Variants in ACOT12 observed in about 807,000 individuals in gnomAD.
ACOT12 encodes acyl-CoA thioesterase 12, also known as acetyl-coenzyme A thioesterase.
A neutral mutation model predicts 67.7 loss-of-function variants in ACOT12; 51 were observed. The ratio of observed to expected loss-of-function variants is 0.75; its 90% CI spans 0.60 to 0.95. The LOEUF is 0.95. Among genes scored for constraint, ACOT12 ranks in the 40% least tolerant of loss-of-function variants. The pLI, the probability that ACOT12 is intolerant of heterozygous loss-of-function variation, is 0.00. For missense variants in ACOT12, 734 were observed against 708.1 expected (o/e 1.04, Z -0.41); for synonymous variants, 251 against 244.6 (o/e 1.03, Z -0.24).
At chr5:81,357,414 C>T (rs1234966315) in intron 5 of ACOT12, among the ~76,000 whole-genome samples, 3 of 152,162 alleles carry the variant, frequency 2.0e-5, no homozygotes, top group Admixed American at 1.3e-4. Context: ...AACTACCAGT[C>T]AGTGTGGAAG....
chr5:81,309,184 A>G, the ACOT12 span: 2 of 594,444 alleles, frequency 3.4e-6, no homozygotes, highest in African/African-American at 3.7e-5. Context: ...GTGCTATCAT[A>G]TGTACTAGGC....
chr5:81,389,114 A>G (rs1328107186), intron 1 of ACOT12, among the ~76,000 whole-genome samples: 3 of 152,234 alleles, frequency 2.0e-5, no homozygotes, highest in African/African-American at 4.8e-5. Flanking sequence ...TGAAGAAAAC[A>G]GGGATTTTAT....
At chr5:81,392,966 C>T (rs1418030816) in intron 1 of ACOT12, among the ~76,000 whole-genome samples, 1 of 152,220 alleles carries the variant, frequency 6.6e-6, no homozygotes, top group Non-Finnish European at 1.5e-5. Flanking sequence ...GGATTCCACT[C>T]TTATGACCTC....
At chr5:81,393,914 C>T (rs1003637679) in intron 1 of ACOT12, 74 bp downstream of exon 1, 2 of 1,266,976 alleles carry the variant, frequency 1.6e-6, no homozygotes, top group Non-Finnish European at 2.0e-6. Flanking sequence ...CCTTCCTACC[C>T]CCCCCAGCCC....
chr5:81,344,241 A>G, intron 8 of ACOT12, 26 bp from the exon 9 acceptor site: 2 of 1,580,834 alleles, frequency 1.3e-6, no homozygotes, highest in Non-Finnish European at 1.7e-6. Context: ...AAGTAAAATC[A>G]ATAAAATAAA....
chr5:81,378,071 C>T (rs1170750981), intron 2 of ACOT12, among the ~76,000 whole-genome samples: 2 of 152,128 alleles, frequency 1.3e-5, no homozygotes, highest in East Asian at 3.8e-4. Context: ...CATCATGCTA[C>T]CTGACTTCAA....
In ACOT12 at chr5:81,359,935, T is replaced by C. The variant is rs1385133922; in HGVS notation, c.464A>G (p.Asn155Ser). The C allele has an allele frequency of 6.8e-6, 11 of 1,611,332 alleles. No individual in the cohort carries two copies. The highest frequency in any genetic ancestry group is 9.3e-6 in the Non-Finnish European group (11 of 1,179,394). Residue 155 changes from asparagine (N) to serine (S), a missense_variant, in exon 5 of 15, where the codon AAC becomes AGC. Asn to Ser is a conservative substitution (Grantham distance 46, BLOSUM62 1). Transcript: ENST00000307624. ...TTTGCTACTTTCCTTCATTAAATTG[T>C]TAAAGGTATCTTCATGTTGTAATCG... ...KVRLQHEDTF[N>S]NLMKESSKFD... is the part of the protein sequence containing the mutation.
the ACOT12 span, among the ~76,000 whole-genome samples, chr5:81,312,200 C>T: frequency 6.6e-6 from 1 of 152,168 alleles, no homozygotes; most frequent in Admixed American, 6.5e-5. Context: ...GAATCTTGTG[C>T]ATTTAAAACT....
intron 3 of ACOT12, among the ~76,000 whole-genome samples, chr5:81,367,044 GA>G (rs1261240459): frequency 1.3e-5 from 2 of 152,156 alleles, no homozygotes; most frequent in Admixed American, 6.5e-5. Context: ...AGTAGCTCTA[GA>G]AACCCAAGCC....
At chr5:81,378,164 G>T (rs1241720186) in intron 2 of ACOT12, among the ~76,000 whole-genome samples, 1 of 152,032 alleles carries the variant, frequency 6.6e-6, no homozygotes, top group East Asian at 1.9e-4. Flanking sequence ...CAGAACAGAG[G>T]CTTCAGAAAT....
intron 13 of ACOT12, among the ~76,000 whole-genome samples, chr5:81,332,176 G>A (rs1758849075): frequency 6.6e-6 from 1 of 152,110 alleles, no homozygotes; most frequent in Admixed American, 6.5e-5. Context: ...GTCTTATTTG[G>A]CTTCCACGAC....
At chr5:81,373,571 C>T (rs547805519) in intron 2 of ACOT12, among the ~76,000 whole-genome samples, 1 of 152,316 alleles carries the variant, frequency 6.6e-6, no homozygotes, top group East Asian at 1.9e-4. Context: ...AGTGGTCTGG[C>T]TTGGCGGGTC....
intron 5 of ACOT12, among the ~76,000 whole-genome samples, chr5:81,350,014 T>TTA (rs1759505015): frequency 6.6e-6 from 1 of 152,208 alleles, no homozygotes; most frequent in Non-Finnish European, 1.5e-5. Context: ...AGTTCCAACA[T>TTA]CTTTTTACAT....
At chr5:81,335,357 G>A (rs190382990) in intron 12 of ACOT12, among the ~76,000 whole-genome samples, 40 of 152,276 alleles carry the variant, frequency 2.6e-4, no homozygotes, top group Admixed American at 5.2e-4. Context: ...ATTCTGTCCA[G>A]ATCAAACTTT....
At chr5:81,384,681 C>T (rs1280703299) in intron 2 of ACOT12, among the ~76,000 whole-genome samples, 3 of 152,034 alleles carry the variant, frequency 2.0e-5, no homozygotes, top group Non-Finnish European at 4.4e-5. Flanking sequence ...AGGATGAAGT[C>T]GTTAGTGATG....
Position 81,330,927 on chromosome 5 carries a change from C to A in ACOT12, c.1405G>T (p.Val469Leu). The change falls in exon 14 of 15, where the codon GTG becomes TTG. Residue 469 changes from valine (V) to leucine (L), a missense_variant. Val to Leu is a conservative substitution (Grantham distance 32). Transcript: ENST00000307624. Reference sequence around the variant, plus strand: ...GGCAAAATGACCGACTTCACTGCCACTGTGTAAGTGTTACTGAAAGAAAAC... The same window carrying A: ...GGCAAAATGACCGACTTCACTGCCAATGTGTAAGTGTTACTGAAAGAAAAC... The part of the protein sequence containing the change: ...KPLKDGNTYT[V>L]AVKSVILPSV... 1 of 1,611,136 alleles carries A rather than the reference C, an allele frequency of 6.2e-7. No individual in the cohort carries two copies. Among genetic ancestry groups the A allele is most frequent in the Non-Finnish European group, 8.5e-7 (1 of 1,179,004 alleles).
intron 6 of ACOT12, 143 bp downstream of exon 6, chr5:81,347,631 T>C: frequency 1.1e-6 from 1 of 874,868 alleles, no homozygotes; most frequent in Non-Finnish European, 1.7e-6. Context: ...AGAAAGTAAA[T>C]GATTTAGAAA....
At chr5:81,362,275 C>G (rs2153854806) in intron 4 of ACOT12, among the ~76,000 whole-genome samples, 1 of 151,368 alleles carries the variant, frequency 6.6e-6, no homozygotes, top group Non-Finnish European at 1.5e-5. Context: ...AAGTGAGTCT[C>G]CTGTCTCAGC....
chr5:81,327,221 C>CACACAT (rs1561316352), downstream of ACOT12, among the ~76,000 whole-genome samples: 2 of 149,804 alleles, frequency 1.3e-5, no homozygotes, highest in African/African-American at 4.9e-5. Flanking sequence ...CACACACACA[C>CACACAT]ATATATATAC....
Sources: gnomAD v4.1 joint callset for allele counts (sites outside exome capture counted in the v4.1 genomes callset) on GRCh38, gnomAD v4.1.1 for gene constraint, MANE v1.5 for transcripts, NCBI Gene and HGNC (gene_info 2026-07-23, HGNC 2026-07-21) for gene names.